Variants in TMEM114 observed in about 807,000 individuals in gnomAD.
TMEM114 encodes claudin-26.
Under a neutral mutation model 6.2 loss-of-function variants are expected in TMEM114, and 6 were observed. That is an observed-to-expected ratio of 0.97 (90% confidence interval 0.53 to 1.91). TMEM114 has a LOEUF of 1.91. Among genes scored for constraint, TMEM114 ranks in the 40% most tolerant of loss-of-function variants. The pLI, the probability that TMEM114 is intolerant of heterozygous loss-of-function variation, is 0.01. For synonymous variants in TMEM114, 104 were observed against 73.0 expected (o/e 1.42, Z -2.16); for missense variants, 218 against 158.3 (o/e 1.38, Z -2.02).
intron 2 of TMEM114, among the ~76,000 whole-genome samples, chr16:8,553,012 C>T (rs899510937): frequency 1.3e-5 from 2 of 152,234 alleles, no homozygotes; most frequent in African/African-American, 4.8e-5. Flanking sequence ...TGGCTCTGCT[C>T]ACTTGCTAAT....
intron 2 of TMEM114, among the ~76,000 whole-genome samples, chr16:8,588,245 C>G (rs953916265): frequency 4.6e-5 from 7 of 150,636 alleles, no homozygotes; most frequent in Non-Finnish European, 8.8e-5. Flanking sequence ...CAAGATTATG[C>G]CACTGTACTC....
chr16:8,572,356 T>A, intron 2 of TMEM114, 132 bp from the exon 3 acceptor site: 1 of 926,332 alleles, frequency 1.1e-6, no homozygotes, highest in Non-Finnish European at 1.7e-6. Context: ...GACGATTACT[T>A]CTACTGTTTC....
At chr16:8,563,001 TG>T in intron 2 of TMEM114, among the ~76,000 whole-genome samples, 1 of 141,882 alleles carries the variant, frequency 7.0e-6, no homozygotes, top group African/African-American at 2.7e-5. Context: ...AGTGAATGAG[TG>T]AGTGAATGAA....
the TMEM114 span, among the ~76,000 whole-genome samples, chr16:8,530,826 C>A: frequency 2.0e-5 from 3 of 151,988 alleles, no homozygotes; most frequent in East Asian, 3.9e-4. Context: ...GAGTTTGAGA[C>A]CAGCCTGGCC....
At chr16:8,558,801 C>A (rs931814910) in intron 2 of TMEM114, among the ~76,000 whole-genome samples, 4 of 151,700 alleles carry the variant, frequency 2.6e-5, no homozygotes, top group Non-Finnish European at 5.9e-5. Context: ...AGTGCAATGG[C>A]ATGATCTCGG....
chr16:8,570,815 T>C (rs1022179593), intron 3 of TMEM114, among the ~76,000 whole-genome samples: 1 of 152,102 alleles, frequency 6.6e-6, no homozygotes, highest in Non-Finnish European at 1.5e-5. Flanking sequence ...ACATGGCTAT[T>C]TAAATTTAAG....
intron 2 of TMEM114, among the ~76,000 whole-genome samples, chr16:8,541,806 C>T (rs1900522312): frequency 6.6e-6 from 1 of 152,132 alleles, no homozygotes; most frequent in Non-Finnish European, 1.5e-5. Context: ...CAGAGGGTTC[C>T]ACTTGGGAAC....
downstream of TMEM114, among the ~76,000 whole-genome samples, chr16:8,567,938 A>G (rs79309971): frequency 5.0e-3 from 758 of 152,244 alleles, 9 homozygotes; most frequent in African/African-American, 0.018. Flanking sequence ...TGGCCATGTG[A>G]GTAACCCACT....
downstream of TMEM114, among the ~76,000 whole-genome samples, chr16:8,533,676 G>C (rs948827204): frequency 2.6e-5 from 4 of 152,140 alleles, 1 homozygote; most frequent in African/African-American, 9.7e-5. Flanking sequence ...TTTCACTGAG[G>C]GTTCCACAGA....
chr16:8,553,805 T>G (rs913672384), intron 2 of TMEM114, among the ~76,000 whole-genome samples: 1 of 152,014 alleles, frequency 6.6e-6, no homozygotes, highest in Non-Finnish European at 1.5e-5. Context: ...AAGTTCATTA[T>G]CTTCCCACCT....
intron 2 of TMEM114, among the ~76,000 whole-genome samples, chr16:8,543,986 A>G (rs1002995752): frequency 2.0e-5 from 3 of 152,226 alleles, no homozygotes; most frequent in African/African-American, 7.2e-5. Flanking sequence ...ATGTAATCCA[A>G]TATTTTCCTT....
chr16:8,535,223 C>T (rs1217108897), downstream of TMEM114, among the ~76,000 whole-genome samples: 1 of 149,640 alleles, frequency 6.7e-6, no homozygotes. Context: ...GATACTAAGG[C>T]ACTAGGAAGG....
At chr16:8,587,640 C>A (rs1162198399) in intron 2 of TMEM114, among the ~76,000 whole-genome samples, 2 of 152,236 alleles carry the variant, frequency 1.3e-5, no homozygotes, top group Admixed American at 6.5e-5. Context: ...CCCTACCAAG[C>A]CTTGTGGGCC....
chr16:8,539,916 C>T (rs1343161761), intron 2 of TMEM114, among the ~76,000 whole-genome samples: 1 of 152,206 alleles, frequency 6.6e-6, no homozygotes, highest in Non-Finnish European at 1.5e-5. Flanking sequence ...CTCCCAGATT[C>T]AAGCGATTCT....
chr16:8,529,026 C>A, the TMEM114 span, among the ~76,000 whole-genome samples: 1 of 152,130 alleles, frequency 6.6e-6, no homozygotes, highest in Non-Finnish European at 1.5e-5. Context: ...GAAGGTCCTT[C>A]CTGCAAGGTG....
At position 8,554,187 on chromosome 16, in the gene TMEM114, C is replaced by T. The variant is rs189804300; in HGVS notation, n.213-16361G>A. Among the ~76,000 whole-genome samples, 95 of 152,108 alleles carry T rather than the reference C, an allele frequency of 6.2e-4. 2 individuals carry two copies. The highest frequency in any genetic ancestry group is 1.2e-3 in the East Asian group (6 of 5,166). On this transcript the variant is annotated intron_variant and non_coding_transcript_variant, in intron 2 of 2. Transcript: ENST00000623677. ...ACAATAAGAGATGCATTTGAAAGGG[C>T]TTCTGTTCTTTAATTTTCCCCTTTA... is the stretch of plus-strand genomic sequence containing the variant.
intron 3 of TMEM114, among the ~76,000 whole-genome samples, 185 bp from the exon 4 acceptor site, chr16:8,570,190 C>G (rs1901685248): frequency 6.6e-6 from 1 of 152,208 alleles, no homozygotes; most frequent in African/African-American, 2.4e-5. Flanking sequence ...TGCCTGTCAT[C>G]GGCAACTCCT....
chr16:8,587,323 T>C (rs1421453098), intron 2 of TMEM114, among the ~76,000 whole-genome samples: 1 of 152,246 alleles, frequency 6.6e-6, no homozygotes, highest in Non-Finnish European at 1.5e-5. Context: ...GGCTACTATG[T>C]GCCAGGTTCT....
intron 2 of TMEM114, among the ~76,000 whole-genome samples, chr16:8,581,562 C>A (rs1567210640): frequency 6.6e-6 from 1 of 152,062 alleles, no homozygotes; most frequent in Admixed American, 6.6e-5. Flanking sequence ...CAAGCAATTC[C>A]CGTGCCTCAG....
Sources: allele counts gnomAD v4.1 joint callset (sites outside exome capture counted in the v4.1 genomes callset), GRCh38; gene constraint gnomAD v4.1.1; transcripts MANE v1.5; gene names NCBI Gene and HGNC (gene_info 2026-07-23, HGNC 2026-07-21).